Variants in RFX3 observed in about 807,000 individuals in gnomAD.
The protein encoded by RFX3 is transcription factor RFX3.
RFX3 carries 14 observed loss-of-function variants against 98.6 expected under a neutral mutation model. That is an observed-to-expected ratio of 0.14 (90% confidence interval 0.09 to 0.22). RFX3 has a LOEUF of 0.22. Ranked by LOEUF, RFX3 falls within the 10% of genes least tolerant of loss-of-function variation. The probability of loss-of-function intolerance (pLI) is 1.00; values close to 1 mark genes in which losing one functional copy is unlikely to be tolerated. For missense variants in RFX3, 639 were observed against 926.9 expected, an observed-to-expected ratio of 0.69 and a Z score of 4.03; for synonymous variants, 383 against 328.4, an observed-to-expected ratio of 1.17 and a Z score of -1.80.
intron 1 of RFX3, among the ~76,000 whole-genome samples, chr9:3,399,249 A>G (rs753204382): frequency 1.1e-4 from 17 of 151,368 alleles, no homozygotes; most frequent in Non-Finnish European, 2.1e-4. Context: ...ACCCTGGACA[A>G]TACGGTGAAA....
chr9:3,420,650 T>C (rs1350510831), intron 1 of RFX3: 1 of 304,034 alleles, frequency 3.3e-6, no homozygotes, highest in Admixed American at 6.5e-5. Flanking sequence ...CATCACCGTA[T>C]CCCACATAGA....
chr9:3,318,309 G>T (rs887334626), intron 4 of RFX3, among the ~76,000 whole-genome samples: 1 of 152,128 alleles, frequency 6.6e-6, no homozygotes, highest in African/African-American at 2.4e-5. Context: ...ACTCATAGGT[G>T]GGAACTGAAC....
intron 2 of RFX3, among the ~76,000 whole-genome samples, chr9:3,374,979 T>C (rs1295863676): frequency 2.0e-5 from 3 of 152,140 alleles, no homozygotes; most frequent in African/African-American, 4.8e-5. Flanking sequence ...ACAAGGTTCA[T>C]GAACAAAATT....
chr9:3,394,571 T>C (rs977798065), intron 2 of RFX3, among the ~76,000 whole-genome samples: 1 of 152,250 alleles, frequency 6.6e-6, no homozygotes, highest in African/African-American at 2.4e-5. Context: ...AACCCAATTC[T>C]ATATCCTGTA....
chr9:3,510,420 T>C (rs948198120), intron 1 of RFX3, among the ~76,000 whole-genome samples: 5 of 151,936 alleles, frequency 3.3e-5, no homozygotes, highest in Admixed American at 1.3e-4. Context: ...TATTGAGGAG[T>C]TACTCAAACA....
chr9:3,425,096 G>C (rs1185735009), intron 1 of RFX3, among the ~76,000 whole-genome samples: 3 of 152,142 alleles, frequency 2.0e-5, no homozygotes, highest in Non-Finnish European at 4.4e-5. Flanking sequence ...AACTTAGCCA[G>C]GCATGGTGGC....
intron 3 of RFX3, among the ~76,000 whole-genome samples, chr9:3,340,094 T>C (rs1178130633): frequency 6.6e-6 from 1 of 152,034 alleles, no homozygotes; most frequent in East Asian, 1.9e-4. Context: ...TCAGAAATAA[T>C]GCCGCATATC....
intron 1 of RFX3, among the ~76,000 whole-genome samples, chr9:3,517,944 T>C (rs1587920216): frequency 6.6e-6 from 1 of 152,162 alleles, no homozygotes; most frequent in Admixed American, 6.5e-5. Flanking sequence ...AGCTCAAAAA[T>C]TCCTATAGCC....
At position 3,254,420 on chromosome 9, in the gene RFX3, A is replaced by G. The variant is rs199580335; in HGVS notation, c.1814+2571T>C. On this transcript the variant is annotated intron_variant, in intron 14 of 16. Transcript: ENST00000617270. ...TGGTCATATAAGTTTTGGAACAGCC[A>G]GTCAGTGTACTGCTGTTTCATCAAT... Among the ~76,000 whole-genome samples the G allele has an allele frequency of 4.9e-4, 75 of 152,318 alleles. 2 individuals are homozygous for G. The East Asian group carries it at 0.011, about 22-fold the overall frequency.
intron 7 of RFX3, among the ~76,000 whole-genome samples, chr9:3,282,091 A>G (rs1375459056): frequency 6.6e-6 from 1 of 151,810 alleles, no homozygotes; most frequent in African/African-American, 2.4e-5. Flanking sequence ...TGAGCTCAGA[A>G]CAAGGGCAGG....
At position 3,248,335 on chromosome 9, in the gene RFX3, G is replaced by A. The variant is rs143959223; in HGVS notation, c.1815-150C>T. ...CCATGAAAGCATTTCATTATTGAAC[G>A]CAGTTGCAACTCATTTAAATAGAAT... On this transcript the variant is annotated intron_variant, in intron 14 of 16. Transcript: ENST00000617270. 1.7e-3 allele frequency: 1,597 copies of A among 948,388 alleles called. 4 individuals are homozygous for A. The highest frequency in any genetic ancestry group is 2.2e-3 in the Non-Finnish European group (1,469 of 668,042). The allele number at this position is 948,388 out of a possible 1,614,324, so 58.7% of individuals were successfully genotyped here.
chr9:3,449,856 A>G (rs1245991468), intron 1 of RFX3, among the ~76,000 whole-genome samples: 1 of 150,908 alleles, frequency 6.6e-6, no homozygotes, highest in Non-Finnish European at 1.5e-5. Flanking sequence ...CAACTGAGCG[A>G]CACCCTGTCT....
Position 3,271,021 on chromosome 9 carries a change from G to A in RFX3, c.1184C>T (p.Thr395Ile). The A allele has an allele frequency of 6.2e-7, 1 of 1,613,622 alleles. No individual in the cohort carries two copies. Among genetic ancestry groups the A allele is most frequent in the South Asian group, 1.1e-5 (1 of 91,066 alleles). The stretch of plus-strand genomic sequence containing the variant: ...TTCTGACCTCGATTCGGTAATGGTA[G>A]TGCCATCAGTTGGAGTAGAGGGAGA... ...RYSPSTPTDG[T>I]TITESSNLSE... The change falls in exon 10 of 17, where the codon ACT (threonine) becomes ATT (isoleucine). Residue 395 changes from threonine to isoleucine, a missense_variant. Thr to Ile is a moderately conservative substitution (Grantham distance 89). Transcript: ENST00000617270.
At chr9:3,342,371 G>A (rs1833983230) in intron 3 of RFX3, among the ~76,000 whole-genome samples, 1 of 152,132 alleles carries the variant, frequency 6.6e-6, no homozygotes, top group Non-Finnish European at 1.5e-5. Flanking sequence ...ATGTACAATG[G>A]ATCATGGTAT....
Position 3,519,808 on chromosome 9 carries a change from C to T in RFX3, c.-9+5939G>A, listed in dbSNP as rs188092925. Reference sequence around the variant, plus strand: ...TCCATTTTTAACTGATTTGTTTTCACTAAGAACACTCTGCATTTGATACGA... The same window carrying T: ...TCCATTTTTAACTGATTTGTTTTCATTAAGAACACTCTGCATTTGATACGA... On this transcript the variant is annotated intron_variant, in intron 1 of 16. Transcript: ENST00000617270. Among the ~76,000 whole-genome samples, 125 of 152,062 alleles carry T rather than the reference C, an allele frequency of 8.2e-4. 1 individual carries two copies. The highest frequency in any genetic ancestry group is 9.7e-4 in the Non-Finnish European group (66 of 68,008).
At chr9:3,237,305 T>C (rs1489135500) in intron 15 of RFX3, among the ~76,000 whole-genome samples, 2 of 152,240 alleles carry the variant, frequency 1.3e-5, no homozygotes, top group Admixed American at 6.5e-5. Context: ...AAGAATGCTG[T>C]TGGATTCTTT....
At chr9:3,317,337 T>A (rs539023866) in intron 4 of RFX3, among the ~76,000 whole-genome samples, 15 of 152,180 alleles carry the variant, frequency 9.9e-5, no homozygotes, top group Non-Finnish European at 1.9e-4. Context: ...TGAAACTGGA[T>A]CTCTTCCTTA....
chr9:3,438,128 G>A (rs1845312850), intron 1 of RFX3, among the ~76,000 whole-genome samples: 1 of 152,034 alleles, frequency 6.6e-6, no homozygotes, highest in Non-Finnish European at 1.5e-5. Context: ...CCTCCTCAGA[G>A]TCTTGCATCA....
chr9:3,422,242 C>T (rs1056035990), intron 1 of RFX3, among the ~76,000 whole-genome samples: 5 of 152,180 alleles, frequency 3.3e-5, no homozygotes, highest in Non-Finnish European at 5.9e-5. Flanking sequence ...AGTCTTGTTT[C>T]AGCCCAGCAG....
Sources: allele counts gnomAD v4.1 joint callset (sites outside exome capture counted in the v4.1 genomes callset), GRCh38; gene constraint gnomAD v4.1.1; transcripts MANE v1.5; gene names NCBI Gene and HGNC (gene_info 2026-07-23, HGNC 2026-07-21).